MED13L: variants seen among roughly 807,000 people sequenced by gnomAD.
MED13L encodes the protein mediator of RNA polymerase II transcription subunit 13-like.
In MED13L, 7 loss-of-function variants were observed where a neutral mutation model predicts 220.9. That is an observed-to-expected ratio of 0.03 (90% CI 0.02 to 0.06). The LOEUF (loss-of-function observed/expected upper bound fraction) is 0.06. Among genes scored for constraint, MED13L ranks in the 10% least tolerant of loss-of-function variants. MED13L has a pLI of 1.00. For missense variants in MED13L, 1,965 were observed against 2,760.5 expected, an observed-to-expected ratio of 0.71 and a Z score of 6.46; for synonymous variants, 1,011 against 1,015.2, an observed-to-expected ratio of 1.00 and a Z score of 0.08.
intron 2 of MED13L, among the ~76,000 whole-genome samples, chr12:116,227,374 T>C (rs913173395): frequency 6.6e-6 from 1 of 152,214 alleles, no homozygotes; most frequent in African/African-American, 2.4e-5. Flanking sequence ...GCATTTCACA[T>C]TGTTTCGCTT....
chr12:116,130,716 A>C (rs1875993592), intron 2 of MED13L, among the ~76,000 whole-genome samples: 1 of 152,240 alleles, frequency 6.6e-6, no homozygotes, highest in Non-Finnish European at 1.5e-5. Flanking sequence ...TAGTGACTAC[A>C]GAAGTTCTAC....
chr12:116,011,282 G>A (rs1314151151), intron 9 of MED13L, among the ~76,000 whole-genome samples: 5 of 152,070 alleles, frequency 3.3e-5, no homozygotes, highest in Non-Finnish European at 7.3e-5. Context: ...GCCTTGGTAT[G>A]CATATGGTTA....
In MED13L at chr12:116,257,523, CTA is replaced by C. The variant is rs1328599975; in HGVS notation, c.72+19535_72+19536del. Among the ~76,000 whole-genome samples the C allele has an allele frequency of 2.6e-5, 4 of 152,178 alleles. No homozygotes were observed. The East Asian group carries it at 7.7e-4, about 29-fold the overall frequency. ...CTGGAGTCTGAATAGCCATCTTGAA[CTA>C]TATGCCATAAACTAAGAACAGTGTA... On this transcript the variant is annotated intron_variant, in intron 1 of 30. Transcript: ENST00000281928.
intron 4 of MED13L, among the ~76,000 whole-genome samples, chr12:116,062,484 C>CTG (rs1399881775): frequency 1.6e-5 from 2 of 123,600 alleles, no homozygotes; most frequent in East Asian, 2.7e-4. Flanking sequence ...CTCTCTCTCT[C>CTG]TGTGTTTTTT....
At chr12:116,012,132 G>T (rs981280462) in intron 9 of MED13L, among the ~76,000 whole-genome samples, 1 of 152,184 alleles carries the variant, frequency 6.6e-6, no homozygotes, top group African/African-American at 2.4e-5. Flanking sequence ...TCTTCTAACT[G>T]TCAAATGAGC....
chr12:116,201,474 A>G (rs903566559), intron 2 of MED13L, among the ~76,000 whole-genome samples: 1 of 152,232 alleles, frequency 6.6e-6, no homozygotes, highest in Non-Finnish European at 1.5e-5. Context: ...GATCAACATC[A>G]TAAAACATTT....
chr12:116,202,896 C>G (rs945415079), intron 2 of MED13L, among the ~76,000 whole-genome samples: 1 of 152,182 alleles, frequency 6.6e-6, no homozygotes, highest in African/African-American at 2.4e-5. Context: ...GTAAGAAAAT[C>G]TGGCAAATGA....
At chr12:116,242,864 T>C (rs960132896) in intron 1 of MED13L, among the ~76,000 whole-genome samples, 3 of 152,216 alleles carry the variant, frequency 2.0e-5, no homozygotes, top group Admixed American at 1.3e-4. Flanking sequence ...CATTCTGCCA[T>C]GCTGCTTCAT....
chr12:115,991,961 C>T lies in MED13L; in HGVS notation c.2997-4G>A. 1 of 1,598,204 alleles carries T rather than the reference C, an allele frequency of 6.3e-7. No individual in the cohort carries two copies. Among genetic ancestry groups the T allele is most frequent in the Non-Finnish European group, 8.5e-7 (1 of 1,179,078 alleles). Reference sequence around the variant, plus strand: ...GCTCCCAACACTAGGCACGTTACTACAAAAAGAGAAGGCACCAAGTGAGGA... The same window carrying T: ...GCTCCCAACACTAGGCACGTTACTATAAAAAGAGAAGGCACCAAGTGAGGA... On this transcript the variant is annotated splice_region_variant and splice_polypyrimidine_tract_variant and intron_variant, in intron 16 of 30. Transcript: ENST00000281928. The surrounding 1 kb of genome is among the most constrained non-coding windows in gnomAD (Gnocchi z 7.7).
At chr12:116,060,475 G>T (rs1869360247) in intron 4 of MED13L, among the ~76,000 whole-genome samples, 1 of 151,516 alleles carries the variant, frequency 6.6e-6, no homozygotes, top group African/African-American at 2.4e-5. Flanking sequence ...CTACTCGGGA[G>T]GCTGAGGCAG....
At chr12:116,200,306 A>G (rs1192628073) in intron 2 of MED13L, among the ~76,000 whole-genome samples, 1 of 152,146 alleles carries the variant, frequency 6.6e-6, no homozygotes, top group Non-Finnish European at 1.5e-5. Flanking sequence ...GAACTTTTGT[A>G]CTTTGTACAA....
At chr12:116,141,712 G>A (rs532696766) in intron 2 of MED13L, among the ~76,000 whole-genome samples, 97 of 152,156 alleles carry the variant, frequency 6.4e-4, no homozygotes, top group Non-Finnish European at 1.2e-3. Context: ...ATAGCCTCCC[G>A]TGGGACCTCT....
rs1875733880 is a variant in MED13L at position 115,961,205 on chromosome 12, T to C, written c.*61A>G. 1 of 1,597,398 alleles carries C rather than the reference T, an allele frequency of 6.3e-7. No individual in the cohort carries two copies. The highest frequency in any genetic ancestry group is 1.7e-5 in the Admixed American group (1 of 59,922). On this transcript the variant is annotated 3_prime_UTR_variant, in exon 31 of 31. Coordinates refer to ENST00000281928, the MANE Select transcript of MED13L (RefSeq NM_015335.5). ...TGGGTTATTTGCAGAGTGTAGCAGG[T>C]TCCTTGGACTGAGGTTGCAGGGAGA... is the stretch of plus-strand genomic sequence containing the variant.
At chr12:116,219,246 A>G (rs1442961537) in intron 2 of MED13L, among the ~76,000 whole-genome samples, 3 of 152,192 alleles carry the variant, frequency 2.0e-5, no homozygotes, top group African/African-American at 7.2e-5. Context: ...AGGAAAGTGA[A>G]ATAAAGAGGA....
intron 2 of MED13L, among the ~76,000 whole-genome samples, chr12:116,145,152 C>T (rs989031529): frequency 6.6e-6 from 1 of 152,188 alleles, no homozygotes; most frequent in African/African-American, 2.4e-5. Context: ...GAAACTTCCA[C>T]CTACCATCTA....
At chr12:116,142,684 G>T (rs1455178517) in intron 2 of MED13L, among the ~76,000 whole-genome samples, 3 of 151,592 alleles carry the variant, frequency 2.0e-5, no homozygotes, top group Non-Finnish European at 2.9e-5. Flanking sequence ...GTGAGGCCCA[G>T]TCTCCAAAAA....
intron 2 of MED13L, among the ~76,000 whole-genome samples, chr12:116,185,240 G>A (rs1880803582): frequency 6.6e-6 from 1 of 151,658 alleles, no homozygotes. Flanking sequence ...CAATATTATT[G>A]GATAACCAAA....
chr12:116,238,165 A>G (rs1271946714), intron 1 of MED13L, among the ~76,000 whole-genome samples: 1 of 152,216 alleles, frequency 6.6e-6, no homozygotes, highest in African/African-American at 2.4e-5. Context: ...TAATTAGGGA[A>G]GCAGTTAGCA....
At chr12:116,068,529 GAC>G (rs1432074801) in intron 4 of MED13L, among the ~76,000 whole-genome samples, 1 of 152,114 alleles carries the variant, frequency 6.6e-6, no homozygotes, top group Non-Finnish European at 1.5e-5. Context: ...GCAAAATCTT[GAC>G]ACAGATTGTG....
Sources: allele counts gnomAD v4.1 joint callset (sites outside exome capture counted in the v4.1 genomes callset), GRCh38; gene constraint gnomAD v4.1.1; non-coding constraint Gnocchi (gnomAD v3.1); transcripts MANE v1.5; gene names NCBI Gene and HGNC (gene_info 2026-07-23, HGNC 2026-07-21).